Variants in RYR3 observed in about 807,000 individuals in gnomAD.
RYR3 encodes the protein ryanodine receptor 3.
RYR3 carries 207 observed loss-of-function variants against 584.3 expected under a neutral mutation model. The observed-to-expected ratio is 0.35, with a 90% CI of 0.32 to 0.40. RYR3 has a LOEUF of 0.40. RYR3 is among the 10% of genes least tolerant of loss of function. RYR3 has a pLI of 1.00. For synonymous variants in RYR3, 2,416 were observed against 2,248.5 expected (o/e 1.07, Z -2.11); for missense variants, 5,616 against 6,089.2 (o/e 0.92, Z 2.59).
At chr15:33,764,301 C>A (rs1006236425) in intron 60 of RYR3, among the ~76,000 whole-genome samples, 6 of 152,040 alleles carry the variant, frequency 3.9e-5, no homozygotes, top group Non-Finnish European at 7.4e-5. Flanking sequence ...GCTGAAAACA[C>A]TCATTCTCAG....
intron 87 of RYR3, 147 bp from the exon 88 acceptor site, chr15:33,836,759 C>T (rs181741120): frequency 1.7e-4 from 96 of 578,482 alleles, no homozygotes; most frequent in African/African-American, 1.6e-3. Context: ...GACGATAAGG[C>T]ATCCTCATTC....
At chr15:33,703,678 A>G (rs931604263) in intron 42 of RYR3, among the ~76,000 whole-genome samples, 3 of 152,240 alleles carry the variant, frequency 2.0e-5, no homozygotes, top group East Asian at 1.9e-4. Context: ...AATTTAGCCC[A>G]TGACAGAGGG....
intron 30 of RYR3, among the ~76,000 whole-genome samples, chr15:33,648,573 C>T (rs2062243300): frequency 6.6e-6 from 1 of 152,166 alleles, no homozygotes; most frequent in South Asian, 2.1e-4. Context: ...TCTTGAGCAA[C>T]CTCTTTCAAG....
chr15:33,462,750 A>G (rs2048147202), intron 1 of RYR3, among the ~76,000 whole-genome samples: 1 of 152,144 alleles, frequency 6.6e-6, no homozygotes, highest in Non-Finnish European at 1.5e-5. Context: ...GTGGCCTCAG[A>G]CTTAGATGCT....
intron 3 of RYR3, among the ~76,000 whole-genome samples, chr15:33,519,151 A>AGT (rs975537731): frequency 1.1e-4 from 17 of 152,180 alleles, no homozygotes; most frequent in African/African-American, 4.1e-4. Flanking sequence ...CAGTTCAGGA[A>AGT]GTGTCCAGCT....
In RYR3 at chr15:33,865,320, C is replaced by CT; in HGVS notation, c.*94_*95insT. 2.4e-6 allele frequency: 2 copies of CT among 841,478 alleles called. No individual in the cohort carries two copies. The highest frequency in any genetic ancestry group is 1.8e-5 in the South Asian group (1 of 56,192). The allele number at this position is 841,478 out of a possible 1,614,324, so 52.1% of individuals were successfully genotyped here. On this transcript the variant is annotated 3_prime_UTR_variant, in exon 104 of 104. Coordinates refer to ENST00000634891, the MANE Select transcript of RYR3 (RefSeq NM_001036.6). ...GTTCTGCAACATATCTGAAATGTGACATTTTCTAAATGCCTCCCTTAAAAA... is the reference window on the plus strand; with the variant it reads ...GTTCTGCAACATATCTGAAATGTGACTATTTTCTAAATGCCTCCCTTAAAAA...
chr15:33,786,083 T>G, intron 66 of RYR3, 101 bp downstream of exon 66: 3 of 1,066,856 alleles, frequency 2.8e-6, no homozygotes, highest in Non-Finnish European at 4.0e-6. Flanking sequence ...GCACAAGCTC[T>G]ATTCTATATT....
chr15:33,663,054 TG>T (rs2063261851), intron 35 of RYR3, 106 bp downstream of exon 35: 1 of 972,908 alleles, frequency 1.0e-6, no homozygotes, highest in Non-Finnish European at 1.5e-6. Flanking sequence ...GTCAAGTGCT[TG>T]GCATAGTGAC....
intron 67 of RYR3, 63 bp from the exon 68 acceptor site, chr15:33,800,707 A>G: frequency 2.6e-6 from 3 of 1,162,968 alleles, no homozygotes; most frequent in Non-Finnish European, 3.9e-6. Context: ...TATAATTTTT[A>G]GAGTGTGAAT....
intron 98 of RYR3, 59 bp downstream of exon 98, chr15:33,854,971 C>A: frequency 2.0e-6 from 3 of 1,493,976 alleles, no homozygotes; most frequent in South Asian, 1.4e-5. Flanking sequence ...AAAAAAAGAA[C>A]AGCAGGTAGT....
intron 2 of RYR3, among the ~76,000 whole-genome samples, chr15:33,492,017 A>AT (rs1460303268): frequency 6.6e-6 from 1 of 152,230 alleles, no homozygotes; most frequent in Non-Finnish European, 1.5e-5. Flanking sequence ...GGATGACATG[A>AT]TTGAAGAAGA....
chr15:33,835,775 C>T (rs1254858355), intron 87 of RYR3, among the ~76,000 whole-genome samples: 3 of 152,198 alleles, frequency 2.0e-5, no homozygotes, highest in Non-Finnish European at 2.9e-5. Flanking sequence ...TTGACTCTGG[C>T]CTTACGGGAG....
chr15:33,645,169 T>A (rs1034303178), intron 28 of RYR3, among the ~76,000 whole-genome samples: 3 of 152,196 alleles, frequency 2.0e-5, no homozygotes, highest in African/African-American at 7.2e-5. Flanking sequence ...TAAGCTGACG[T>A]CTGATCATTG....
chr15:33,624,209 C>T (rs2060868092), intron 20 of RYR3, among the ~76,000 whole-genome samples, 186 bp downstream of exon 20: 1 of 152,224 alleles, frequency 6.6e-6, no homozygotes, highest in Non-Finnish European at 1.5e-5. Context: ...ATTTCTCAAT[C>T]AGTGAACATG....
At chr15:33,861,455 C>G in intron 102 of RYR3, among the ~76,000 whole-genome samples, 1 of 151,356 alleles carries the variant, frequency 6.6e-6, no homozygotes, top group East Asian at 2.0e-4. Flanking sequence ...CTCTACTGGA[C>G]TTCTTCTATC....
intron 1 of RYR3, among the ~76,000 whole-genome samples, chr15:33,415,244 T>C (rs2043715625): frequency 1.3e-5 from 2 of 152,222 alleles, no homozygotes; most frequent in Non-Finnish European, 2.9e-5. Context: ...CAGTCCTTTT[T>C]ACTTTTTATT....
At chr15:33,486,706 C>T (rs2050456016) in intron 2 of RYR3, among the ~76,000 whole-genome samples, 1 of 152,148 alleles carries the variant, frequency 6.6e-6, no homozygotes, top group Non-Finnish European at 1.5e-5. Flanking sequence ...TTAGAGTTAA[C>T]AGTTTGTAGA....
Position 33,809,449 on chromosome 15 carries a change from G to A in RYR3, c.10027-1030G>A, listed in dbSNP as rs1359380885. Among the ~76,000 whole-genome samples, 2 of 152,234 alleles carry A rather than the reference G, an allele frequency of 1.3e-5. 1 individual carries two copies. The highest frequency in any genetic ancestry group is 4.2e-4 in the South Asian group (2 of 4,816). On this transcript the variant is annotated intron_variant, in intron 70 of 103. Transcript: ENST00000634891. ...GCACGTACCACGTGAGCAGCTCTGTGTCTCTGGAACCTGGAATCATGAAAT... is the reference window on the plus strand; with the variant it reads ...GCACGTACCACGTGAGCAGCTCTGTATCTCTGGAACCTGGAATCATGAAAT...
intron 2 of RYR3, among the ~76,000 whole-genome samples, chr15:33,488,786 G>A (rs1206500145): frequency 6.6e-6 from 1 of 152,056 alleles, no homozygotes; most frequent in East Asian, 1.9e-4. Context: ...AGGAGGCGGG[G>A]GTTGCAGTGA....
Sources: gnomAD v4.1 joint callset for allele counts (sites outside exome capture counted in the v4.1 genomes callset) on GRCh38, gnomAD v4.1.1 for gene constraint, MANE v1.5 for transcripts, NCBI Gene and HGNC (gene_info 2026-07-23, HGNC 2026-07-21) for gene names.